ARIH2: variants seen among roughly 807,000 people sequenced by gnomAD.
The protein encoded by ARIH2 is E3 ubiquitin-protein ligase ARIH2.
ARIH2 carries 12 observed loss-of-function variants against 79.8 expected under a neutral mutation model. The observed-to-expected ratio is 0.15, with a 90% CI of 0.10 to 0.24. The LOEUF (loss-of-function observed/expected upper bound fraction) is 0.24. Ranked by LOEUF, ARIH2 falls within the 10% of genes least tolerant of loss-of-function variation. The probability of loss-of-function intolerance (pLI) is 1.00; values close to 1 mark genes in which losing one functional copy is unlikely to be tolerated. For synonymous variants in ARIH2, 224 were observed against 213.9 expected, an observed-to-expected ratio of 1.05 and a Z score of -0.41; for missense variants, 301 against 618.3, an observed-to-expected ratio of 0.49 and a Z score of 5.44.
intron 3 of ARIH2, among the ~76,000 whole-genome samples, chr3:48,961,029 C>T (rs976704096): frequency 2.0e-5 from 3 of 152,158 alleles, no homozygotes; most frequent in East Asian, 1.9e-4. Context: ...TAAATGTCCC[C>T]TGAGAGCATA....
At chr3:48,973,617 G>A (rs1030146554) in intron 8 of ARIH2, 82 bp from the exon 9 acceptor site, 8 of 757,522 alleles carry the variant, frequency 1.1e-5, no homozygotes, top group African/African-American at 5.4e-5. Context: ...TTCATGATTT[G>A]TTGGCTTGGA....
chr3:48,955,543 G>T, intron 3 of ARIH2, among the ~76,000 whole-genome samples: 1 of 152,144 alleles, frequency 6.6e-6, no homozygotes, highest in East Asian at 1.9e-4. Context: ...ATTATAAAGG[G>T]TAACAAGGGG....
intron 3 of ARIH2, among the ~76,000 whole-genome samples, chr3:48,933,640 A>T (rs1020331253): frequency 7.0e-6 from 1 of 143,084 alleles, no homozygotes; most frequent in Non-Finnish European, 1.5e-5. Flanking sequence ...AGCTCCGCCT[A>T]CCGGGTTCAT....
At chr3:48,954,832 C>G (rs2090395599) in intron 3 of ARIH2, among the ~76,000 whole-genome samples, 1 of 152,166 alleles carries the variant, frequency 6.6e-6, no homozygotes, top group Non-Finnish European at 1.5e-5. Flanking sequence ...TCTTGAGACT[C>G]CTTTTGGACA....
At chr3:48,922,310 C>CTTTTTT (rs879519601) in intron 1 of ARIH2, 36 of 143,642 alleles carry the variant, frequency 2.5e-4, no homozygotes, top group African/African-American at 8.9e-4. Context: ...AGATTACTTT[C>CTTTTTT]TTTTTTTTTT....
At position 48,918,929 on chromosome 3, in the gene ARIH2, C is replaced by G. The variant is rs766160744; in HGVS notation, c.-231C>G. ...CCTCCGCTGCCGCTTCGCCCCAATC[C>G]GGTCCCTCTGGCCCGGCCTGACCCG... On this transcript the variant is annotated 5_prime_UTR_variant, in exon 1 of 16. Transcript: ENST00000356401. 1.3e-6 allele frequency: 2 copies of G among 1,591,878 alleles called. No individual in the cohort carries two copies. Among genetic ancestry groups the G allele is most frequent in the East Asian group, 2.2e-5 (1 of 44,516 alleles).
In ARIH2 at chr3:48,985,776, T is replaced by G. The variant is rs1334948777; in HGVS notation, c.*2506T>G. Reference sequence around the variant, plus strand: ...AAATCCTGCCAGTTTTCCGCTCTCCTCTCCCTCAGTACAGGCTGAATCATT... The same window carrying G: ...AAATCCTGCCAGTTTTCCGCTCTCCGCTCCCTCAGTACAGGCTGAATCATT... On this transcript the variant is annotated 3_prime_UTR_variant, in exon 16 of 16. Transcript: ENST00000356401. 6.6e-6 allele frequency: 1 copy of G among 152,142 alleles called. No homozygotes were observed. The highest frequency in any genetic ancestry group is 2.4e-5 in the African/African-American group (1 of 41,386). 9.4% of individuals were successfully genotyped at this position (152,142 alleles called of 1,614,324 possible).
intron 2 of ARIH2, chr3:48,927,057 G>A (rs991913274): frequency 2.4e-5 from 4 of 168,486 alleles, no homozygotes; most frequent in East Asian, 1.6e-4. Flanking sequence ...CAATACTAAC[G>A]GGGCATGATA....
intron 3 of ARIH2, among the ~76,000 whole-genome samples, chr3:48,960,783 T>C (rs1004354002): frequency 2.6e-5 from 4 of 152,144 alleles, no homozygotes; most frequent in Admixed American, 2.6e-4. Flanking sequence ...AGTCTTTCTA[T>C]GTTAATAAAC....
intron 2 of ARIH2, among the ~76,000 whole-genome samples, chr3:48,923,676 C>A (rs2085160109): frequency 6.6e-6 from 1 of 152,012 alleles, no homozygotes; most frequent in Non-Finnish European, 1.5e-5. Context: ...CATGTGCCAC[C>A]ACGCCCAGCT....
chr3:48,972,138 A>G (rs1434855766), intron 8 of ARIH2, among the ~76,000 whole-genome samples: 3 of 152,210 alleles, frequency 2.0e-5, no homozygotes, highest in African/African-American at 7.2e-5. Flanking sequence ...AGTCCTTCTC[A>G]GAGCACCTCA....
chr3:48,938,295 T>C (rs2087471022), intron 3 of ARIH2, among the ~76,000 whole-genome samples: 1 of 152,238 alleles, frequency 6.6e-6, no homozygotes, highest in Non-Finnish European at 1.5e-5. Context: ...GCCCTACCTC[T>C]GCTTCTTCTG....
At chr3:48,973,622 C>A in intron 8 of ARIH2, 77 bp from the exon 9 acceptor site, 2 of 996,160 alleles carry the variant, frequency 2.0e-6, no homozygotes, top group Non-Finnish European at 3.1e-6. Context: ...GATTTGTTGG[C>A]TTGGATAAAA....
chr3:48,935,748 A>T (rs530536642), intron 3 of ARIH2, among the ~76,000 whole-genome samples: 2 of 152,200 alleles, frequency 1.3e-5, no homozygotes, highest in Non-Finnish European at 2.9e-5. Context: ...TTGCTTGGTC[A>T]TGGTAGAAGC....
rs2092156520 is a variant in ARIH2, at chr3:48,970,472, A to G, written c.661-123A>G. The stretch of plus-strand genomic sequence containing the variant: ...TGGTCTTCACATCCTTTCTGAATTT[A>G]TATAGCCCCTTCGTATAAGTCATCA... On this transcript the variant is annotated intron_variant, in intron 7 of 15. Coordinates refer to ENST00000356401, the MANE Select transcript of ARIH2 (RefSeq NM_006321.4). 22 of 674,844 alleles carry G rather than the reference A, an allele frequency of 3.3e-5. No homozygotes were observed. The South Asian group carries it at 3.8e-4, about 12-fold the overall frequency. 41.8% of individuals were successfully genotyped at this position (674,844 alleles called of 1,614,324 possible). A position where few individuals can be genotyped will look rare whatever the true frequency, so the allele number is the denominator to read the frequency against.
At chr3:48,926,373 T>G (rs2085613407) in intron 2 of ARIH2, among the ~76,000 whole-genome samples, 1 of 151,952 alleles carries the variant, frequency 6.6e-6, no homozygotes, top group African/African-American at 2.4e-5. Flanking sequence ...GTTCAAGCGT[T>G]TCTCCTGTCT....
At chr3:48,971,929 T>A (rs1445525410) in intron 8 of ARIH2, among the ~76,000 whole-genome samples, 1 of 152,232 alleles carries the variant, frequency 6.6e-6, no homozygotes, top group Non-Finnish European at 1.5e-5. Flanking sequence ...AAAGAAAATT[T>A]CAAAATATGG....
chr3:48,965,720 G>A (rs1198135415), intron 5 of ARIH2, among the ~76,000 whole-genome samples: 3 of 152,216 alleles, frequency 2.0e-5, no homozygotes, highest in Admixed American at 6.5e-5. Context: ...CAGCACTTTG[G>A]GGGGCCGAGG....
chr3:48,937,903 C>T (rs1356331457), intron 3 of ARIH2, among the ~76,000 whole-genome samples: 2 of 151,940 alleles, frequency 1.3e-5, no homozygotes, highest in Non-Finnish European at 2.9e-5. Flanking sequence ...AAAAATTAGC[C>T]GGTCGTAGTG....
Sources: gnomAD v4.1 joint callset for allele counts (sites outside exome capture counted in the v4.1 genomes callset) on GRCh38, gnomAD v4.1.1 for gene constraint, MANE v1.5 for transcripts, NCBI Gene and HGNC (gene_info 2026-07-23, HGNC 2026-07-21) for gene names.